The following GRB14 variants were observed in gnomAD, a reference collection of about 807,000 sequenced individuals.
GRB14 encodes the protein growth factor receptor-bound protein 14.
GRB14 carries 38 observed loss-of-function variants against 69.1 expected under a neutral mutation model. The ratio of observed to expected loss-of-function variants is 0.55; its 90% CI spans 0.42 to 0.72. The LOEUF is 0.72. Among genes scored for constraint, GRB14 ranks in the 30% least tolerant of loss-of-function variants. The pLI, the probability that GRB14 is intolerant of heterozygous loss-of-function variation, is 0.00. For synonymous variants in GRB14, 247 were observed against 241.3 expected, an observed-to-expected ratio of 1.02 and a Z score of -0.22; for missense variants, 666 against 666.1, an observed-to-expected ratio of 1.00 and a Z score of 0.00.
Position 164,492,959 on chromosome 2 carries a change from C to T in GRB14, c.*77G>A, listed in dbSNP as rs199637961. The T allele has an allele frequency of 6.7e-4, 890 of 1,322,168 alleles. 4 individuals carry two copies. Among genetic ancestry groups the T allele is most frequent in the Admixed American group, 2.8e-3 (118 of 42,844 alleles). 81.9% of individuals were successfully genotyped at this position (1,322,168 alleles called of 1,614,324 possible). ...CATTCTTTTCACATGGTAATGTTTT[C>T]GCCCTTATTTATGGTCTTTTATTAT... On this transcript the variant is annotated 3_prime_UTR_variant, in exon 14 of 14. Coordinates refer to ENST00000263915, the MANE Select transcript of GRB14 (RefSeq NM_004490.3).
intron 2 of GRB14, among the ~76,000 whole-genome samples, chr2:164,548,880 A>T (rs991987921): frequency 4.0e-5 from 6 of 150,900 alleles, no homozygotes; most frequent in African/African-American, 1.5e-4. Context: ...TGCTTTTTTT[A>T]TTTTTTTTGA....
intron 2 of GRB14, among the ~76,000 whole-genome samples, chr2:164,601,098 G>C (rs533835792): frequency 3.6e-4 from 55 of 152,114 alleles, no homozygotes; most frequent in Non-Finnish European, 6.5e-4. Context: ...TCCCAGACAA[G>C]GATCTGTCAA....
chr2:164,530,781 A>C (rs1408867173), intron 3 of GRB14, among the ~76,000 whole-genome samples: 1 of 152,216 alleles, frequency 6.6e-6, no homozygotes, highest in Non-Finnish European at 1.5e-5. Context: ...GGTTGTAGAA[A>C]GCCCTGCAGT....
intron 12 of GRB14, among the ~76,000 whole-genome samples, chr2:164,495,212 G>A (rs1029462366): frequency 6.6e-6 from 1 of 152,068 alleles, no homozygotes; most frequent in Non-Finnish European, 1.5e-5. Context: ...ATAGTGCTGA[G>A]ATTACAGGCA....
At chr2:164,549,188 A>G (rs1688462802) in intron 2 of GRB14, among the ~76,000 whole-genome samples, 1 of 152,152 alleles carries the variant, frequency 6.6e-6, no homozygotes, top group Middle Eastern at 3.4e-3. Context: ...TCCTTCGCTC[A>G]TTTTTAATTG....
intron 2 of GRB14, among the ~76,000 whole-genome samples, chr2:164,587,077 T>A (rs187933444): frequency 6.6e-6 from 1 of 152,314 alleles, no homozygotes; most frequent in Admixed American, 6.5e-5. Flanking sequence ...CATATTTTAA[T>A]GAACTATCAT....
In GRB14 at chr2:164,510,482, G is replaced by A. The variant is rs1288308980; in HGVS notation, c.817-1630C>T. Among the ~76,000 whole-genome samples, 6 of 152,248 alleles carry A rather than the reference G, an allele frequency of 3.9e-5. No homozygotes were observed. In the East Asian group the frequency reaches 9.7e-4, roughly 25 times the overall value. On this transcript the variant is annotated intron_variant, in intron 6 of 13. Transcript: ENST00000263915. ...GACCACATCTTTAAGATTTGCAGCA[G>A]TAGTTAACTAAATTTAGAACTAAAA... is the stretch of plus-strand genomic sequence containing the variant.
intron 2 of GRB14, among the ~76,000 whole-genome samples, chr2:164,548,153 A>T (rs903602041): frequency 7.9e-5 from 12 of 151,734 alleles, no homozygotes; most frequent in Non-Finnish European, 1.8e-4. Context: ...ACATCTCCTC[A>T]TTTCCCTCCA....
intron 2 of GRB14, among the ~76,000 whole-genome samples, chr2:164,615,629 CT>C (rs1292095038): frequency 1.1e-4 from 17 of 152,302 alleles, no homozygotes; most frequent in African/African-American, 4.1e-4. Context: ...TTACGTATCA[CT>C]AAAGAAGAAT....
intron 2 of GRB14, among the ~76,000 whole-genome samples, chr2:164,561,132 A>T (rs1395972902): frequency 6.6e-6 from 1 of 152,164 alleles, no homozygotes; most frequent in Non-Finnish European, 1.5e-5. Flanking sequence ...AATGTGGAAC[A>T]TGCAGTACAG....
At chr2:164,594,818 T>C (rs1465354631) in intron 2 of GRB14, among the ~76,000 whole-genome samples, 1 of 152,146 alleles carries the variant, frequency 6.6e-6, no homozygotes, top group East Asian at 1.9e-4. Context: ...CAAAAGGAAA[T>C]TGACAAAAAT....
At chr2:164,584,464 T>G in intron 2 of GRB14, among the ~76,000 whole-genome samples, 1 of 152,040 alleles carries the variant, frequency 6.6e-6, no homozygotes, top group East Asian at 1.9e-4. Flanking sequence ...CTTTAAGTAC[T>G]TTTCCATTTA....
chr2:164,523,816 GT>G (rs1687698929), intron 5 of GRB14, among the ~76,000 whole-genome samples: 1 of 152,054 alleles, frequency 6.6e-6, no homozygotes, highest in South Asian at 2.1e-4. Context: ...GATTTTTCTT[GT>G]TTTTATAATT....
intron 2 of GRB14, among the ~76,000 whole-genome samples, chr2:164,594,425 A>C (rs1689737576): frequency 6.6e-6 from 1 of 152,216 alleles, no homozygotes; most frequent in Non-Finnish European, 1.5e-5. Flanking sequence ...TATCATATGT[A>C]TATTACTGAT....
chr2:164,575,173 T>C (rs1689223111), intron 2 of GRB14, among the ~76,000 whole-genome samples: 1 of 152,154 alleles, frequency 6.6e-6, no homozygotes, highest in Non-Finnish European at 1.5e-5. Flanking sequence ...GTAATGTGCA[T>C]GAAATCCTTG....
chr2:164,556,777 C>G (rs1267226869), intron 2 of GRB14, among the ~76,000 whole-genome samples: 2 of 152,142 alleles, frequency 1.3e-5, no homozygotes, highest in South Asian at 4.1e-4. Flanking sequence ...ACGTGTTGCC[C>G]TTCACCATAA....
chr2:164,614,621 A>G (rs1034747081), intron 2 of GRB14, among the ~76,000 whole-genome samples: 1 of 152,236 alleles, frequency 6.6e-6, no homozygotes, highest in African/African-American at 2.4e-5. Flanking sequence ...ATACTTTAGC[A>G]AAGAAAATAA....
intron 3 of GRB14, among the ~76,000 whole-genome samples, chr2:164,537,763 G>A (rs1354004446): frequency 1.3e-5 from 2 of 152,098 alleles, no homozygotes. Context: ...GTTACATATT[G>A]CCCATTTCCG....
intron 2 of GRB14, among the ~76,000 whole-genome samples, chr2:164,578,338 T>C (rs1362822840): frequency 6.6e-6 from 1 of 152,166 alleles, no homozygotes; most frequent in Non-Finnish European, 1.5e-5. Context: ...ATAAATATTT[T>C]AATGCTATAG....
Sources: gnomAD v4.1 joint callset for allele counts (sites outside exome capture counted in the v4.1 genomes callset) on GRCh38, gnomAD v4.1.1 for gene constraint, MANE v1.5 for transcripts, NCBI Gene and HGNC (gene_info 2026-07-23, HGNC 2026-07-21) for gene names.